Variants in GASK1A observed in about 807,000 individuals in gnomAD.
GASK1A encodes golgi associated kinase 1A.
In GASK1A, 40 loss-of-function variants were observed where a neutral mutation model predicts 41.2. The ratio of observed to expected loss-of-function variants is 0.97; its 90% confidence interval spans 0.75 to 1.27. The LOEUF is 1.27. GASK1A is among the 50% of genes most tolerant of loss of function. GASK1A has a pLI of 0.00. For synonymous variants in GASK1A, 316 were observed against 307.1 expected (o/e 1.03, Z -0.30); for missense variants, 678 against 745.1 (o/e 0.91, Z 1.05).
intron 2 of GASK1A, among the ~76,000 whole-genome samples, chr3:43,051,266 A>G (rs559268308): frequency 1.2e-4 from 19 of 152,280 alleles, no homozygotes; most frequent in Middle Eastern, 3.4e-3. Flanking sequence ...TCTTTATTGT[A>G]TATGGCCACT....
At chr3:43,009,716 C>T (rs2089454408) in intron 1 of GASK1A, among the ~76,000 whole-genome samples, 1 of 152,202 alleles carries the variant, frequency 6.6e-6, no homozygotes, top group South Asian at 2.1e-4. Context: ...GTAACAAACT[C>T]ATGGTGTCAT....
At chr3:42,995,986 C>A (rs2089367176) in intron 1 of GASK1A, among the ~76,000 whole-genome samples, 2 of 152,186 alleles carry the variant, frequency 1.3e-5, no homozygotes, top group Non-Finnish European at 2.9e-5. Context: ...TGTGGTGTTC[C>A]CACACTGGCA....
intron 3 of GASK1A, chr3:43,054,194 G>T (rs1480103250): frequency 5.0e-6 from 1 of 198,480 alleles, no homozygotes; most frequent in African/African-American, 2.3e-5. Context: ...TTCCCCCGGG[G>T]AAGGGCTTCT....
At chr3:43,036,487 A>G (rs2089605178) in intron 2 of GASK1A, among the ~76,000 whole-genome samples, 1 of 152,188 alleles carries the variant, frequency 6.6e-6, no homozygotes, top group Non-Finnish European at 1.5e-5. Flanking sequence ...TTATGTAGGC[A>G]CAAAACACAA....
chr3:43,045,784 G>C (rs184912939), intron 2 of GASK1A, among the ~76,000 whole-genome samples: 1 of 152,284 alleles, frequency 6.6e-6, no homozygotes, highest in East Asian at 1.9e-4. Flanking sequence ...TTGAATCATG[G>C]GGGTTGGTTT....
intron 1 of GASK1A, among the ~76,000 whole-genome samples, chr3:42,985,512 G>T (rs36132109): frequency 0.27 from 40,837 of 151,468 alleles, 6,892 homozygotes; most frequent in Middle Eastern, 0.4. Context: ...CTGCTTCTGA[G>T]GAGTACACAG....
intron 2 of GASK1A, among the ~76,000 whole-genome samples, chr3:43,042,607 T>C (rs1201621961): frequency 1.3e-5 from 2 of 152,176 alleles, no homozygotes; most frequent in Non-Finnish European, 2.9e-5. Context: ...AGTGGGACAT[T>C]TTGTGACAGT....
rs1157261848 is a variant in GASK1A, at chr3:43,033,181, C to T, written c.918C>T (p.Pro306=). The T allele has an allele frequency of 1.3e-6, 2 of 1,551,068 alleles. No homozygotes were observed. The highest frequency in any genetic ancestry group is 1.4e-5 in the African/African-American group (1 of 73,050). The change falls in exon 2 of 5, where the codon CCC becomes CCT. Residue 306 remains proline, a synonymous_variant. Coordinates refer to ENST00000430121, the MANE Select transcript of GASK1A (RefSeq NM_001129908.3). Reference sequence around the variant, plus strand: ...CTGCCCTTCAGGACCTGTCCTCTCCCAGGCTCAGCCAACTCTGTTCCCAAG... The same window carrying T: ...CTGCCCTTCAGGACCTGTCCTCTCCTAGGCTCAGCCAACTCTGTTCCCAAG... The part of the protein sequence containing the change: ...TEAALQDLSS[P]RLSQLCSQGL...
chr3:43,033,649 C>T (rs1290243600), intron 2 of GASK1A, 96 bp downstream of exon 2: 7 of 1,177,192 alleles, frequency 5.9e-6, no homozygotes, highest in African/African-American at 4.6e-5. Context: ...GATGGTGACT[C>T]TCCCCCAAGT....
intron 1 of GASK1A, among the ~76,000 whole-genome samples, chr3:43,014,763 C>G (rs922019970): frequency 6.6e-6 from 1 of 150,906 alleles, no homozygotes; most frequent in African/African-American, 2.4e-5. Flanking sequence ...GGAAAGGGCA[C>G]TTTGATATCA....
chr3:43,032,594 G>GA lies in GASK1A; in HGVS notation c.332dup (p.Asp111GlufsTer32). On this transcript the variant is annotated frameshift_variant, in exon 2 of 5. Coordinates refer to ENST00000430121, the MANE Select transcript of GASK1A (RefSeq NM_001129908.3). LOFTEE classifies it high-confidence loss of function. ...CAGAAGCAGGGAGTCCCCAGGAGGG[G>GA]ACCTCAGGCATCCAGGGAGGGTGAG... 6.4e-7 allele frequency: 1 copy of GA among 1,551,640 alleles called. No individual in the cohort carries two copies.
chr3:43,021,185 A>G (rs968613897), intron 1 of GASK1A, among the ~76,000 whole-genome samples: 2 of 152,024 alleles, frequency 1.3e-5, no homozygotes, highest in African/African-American at 4.8e-5. Context: ...CCTTCCCACA[A>G]TTGCTAGGCA....
rs527379808 is a variant in GASK1A at position 43,041,434 on chromosome 3, A to G, written c.1290+7881A>G. ...TTGCCATTCTAACTGGTGTGAGATG[A>G]TATCTCATTGTGGTTTTGATTTGCA... On this transcript the variant is annotated intron_variant, in intron 2 of 4. Transcript: ENST00000430121. Among the ~76,000 whole-genome samples the G allele has an allele frequency of 2.6e-3, 400 of 152,238 alleles. 1 individual carries two copies. Among genetic ancestry groups the G allele is most frequent in the African/African-American group, 9.0e-3 (372 of 41,528 alleles).
At chr3:43,024,770 A>G (rs1011864224) in intron 1 of GASK1A, among the ~76,000 whole-genome samples, 1 of 152,148 alleles carries the variant, frequency 6.6e-6, no homozygotes, top group Non-Finnish European at 1.5e-5. Flanking sequence ...TGGAGATGCA[A>G]TTGTGAGCCC....
chr3:43,037,706 G>A (rs1285261068), intron 2 of GASK1A, among the ~76,000 whole-genome samples: 1 of 152,172 alleles, frequency 6.6e-6, no homozygotes, highest in African/African-American at 2.4e-5. Flanking sequence ...CTCTTAAAAT[G>A]AAGTACACAT....
chr3:42,993,371 A>G (rs1377270753), intron 1 of GASK1A, among the ~76,000 whole-genome samples: 1 of 152,194 alleles, frequency 6.6e-6, no homozygotes, highest in African/African-American at 2.4e-5. Flanking sequence ...GTTTTTATTC[A>G]TCACTGCTTT....
chr3:43,028,089 T>A (rs943135520), intron 1 of GASK1A, among the ~76,000 whole-genome samples: 3 of 152,214 alleles, frequency 2.0e-5, no homozygotes, highest in African/African-American at 4.8e-5. Context: ...AGACTTAGAA[T>A]CAATAGAAAG....
In GASK1A at chr3:43,056,614, A is replaced by G. The variant is rs1005864091; in HGVS notation, c.*228A>G. The G allele has an allele frequency of 4.3e-6, 2 of 463,298 alleles. No homozygotes were observed. Among genetic ancestry groups the G allele is most frequent in the Non-Finnish European group, 7.8e-6 (2 of 256,994 alleles). 28.7% of individuals were successfully genotyped at this position (463,298 alleles called of 1,614,324 possible). On this transcript the variant is annotated 3_prime_UTR_variant, in exon 5 of 5. Coordinates refer to ENST00000430121, the MANE Select transcript of GASK1A (RefSeq NM_001129908.3). ...TTTATTCCCTTGCACCAACAAATAC[A>G]TTCGAAAATGTTCTGTGAGCTGCTC... is the stretch of plus-strand genomic sequence containing the variant.
At chr3:43,017,953 T>C (rs1415645450) in intron 1 of GASK1A, among the ~76,000 whole-genome samples, 1 of 150,116 alleles carries the variant, frequency 6.7e-6, no homozygotes, top group Non-Finnish European at 1.5e-5. Flanking sequence ...CACAGGAAGA[T>C]TCAGTGTGAT....
Sources: allele counts gnomAD v4.1 joint callset (sites outside exome capture counted in the v4.1 genomes callset), GRCh38; gene constraint gnomAD v4.1.1; transcripts MANE v1.5; gene names NCBI Gene and HGNC (gene_info 2026-07-23, HGNC 2026-07-21).